VPS13B: variants seen among roughly 807,000 people sequenced by gnomAD.
VPS13B encodes the protein vacuolar protein sorting 13 homolog B, also known as intermembrane lipid transfer protein VPS13B.
Under a neutral mutation model 426.4 loss-of-function variants are expected in VPS13B, and 285 were observed. The ratio of observed to expected loss-of-function variants is 0.67; its 90% confidence interval spans 0.61 to 0.74. VPS13B has a LOEUF of 0.74. VPS13B is among the 30% of genes least tolerant of loss of function. The probability of loss-of-function intolerance (pLI) is 0.00; values close to 1 mark genes in which losing one functional copy is unlikely to be tolerated. For missense variants in VPS13B, 4,537 were observed against 4,782.6 expected (o/e 0.95, Z 1.51); for synonymous variants, 1,676 against 1,676.4 (o/e 1.00, Z 0.01).
intron 12 of VPS13B, among the ~76,000 whole-genome samples, chr8:99,137,123 A>G (rs1046441585): frequency 9.2e-5 from 14 of 152,156 alleles, no homozygotes; most frequent in African/African-American, 3.4e-4. Flanking sequence ...AATGTGTTGT[A>G]TCAATCAGAA....
intron 54 of VPS13B, among the ~76,000 whole-genome samples, chr8:99,848,073 C>T (rs1406415050): frequency 1.3e-5 from 2 of 152,136 alleles, no homozygotes; most frequent in African/African-American, 4.8e-5. Flanking sequence ...TTAAATAGCC[C>T]TGTTCTGTTT....
intron 29 of VPS13B, 65 bp downstream of exon 29, chr8:99,511,577 G>T: frequency 6.6e-7 from 1 of 1,519,484 alleles, no homozygotes; most frequent in South Asian, 1.3e-5. Context: ...TTAGTTTTCT[G>T]GGTTTTTTTG....
chr8:99,670,456 C>T (rs1476541673), intron 35 of VPS13B, among the ~76,000 whole-genome samples: 1 of 152,010 alleles, frequency 6.6e-6, no homozygotes, highest in Non-Finnish European at 1.5e-5. Context: ...ATATTTATCA[C>T]CTCACATAGT....
At chr8:99,520,783 T>G (rs1822344294) in intron 29 of VPS13B, 116 bp from the exon 30 acceptor site, 1 of 744,932 alleles carries the variant, frequency 1.3e-6, no homozygotes, top group African/African-American at 1.8e-5. Flanking sequence ...TACTTTTTCT[T>G]ATTTATTGGT....
At chr8:99,223,230 A>G (rs1419105164) in intron 17 of VPS13B, among the ~76,000 whole-genome samples, 3 of 152,204 alleles carry the variant, frequency 2.0e-5, no homozygotes. Context: ...ATTTATACAC[A>G]TGATTTCAAA....
chr8:99,550,645 G>A (rs1438484517), intron 30 of VPS13B, among the ~76,000 whole-genome samples: 5 of 150,220 alleles, frequency 3.3e-5, no homozygotes, highest in Admixed American at 2.0e-4. Context: ...TACTTTTTAT[G>A]TTCAGCTTAT....
intron 30 of VPS13B, among the ~76,000 whole-genome samples, chr8:99,526,988 A>G (rs1260728052): frequency 2.6e-5 from 4 of 152,160 alleles, no homozygotes; most frequent in African/African-American, 9.7e-5. Context: ...TTTGTAGGAG[A>G]TGATTAAATC....
chr8:99,133,751 A>T (rs1439173122), intron 8 of VPS13B, among the ~76,000 whole-genome samples: 1 of 152,202 alleles, frequency 6.6e-6, no homozygotes, highest in Non-Finnish European at 1.5e-5. Flanking sequence ...CAGAACACAC[A>T]CATGTATCAA....
intron 31 of VPS13B, among the ~76,000 whole-genome samples, chr8:99,561,255 A>G (rs530369869): frequency 2.3e-4 from 35 of 152,280 alleles, no homozygotes; most frequent in Non-Finnish European, 4.4e-4. Context: ...TGGATTTATC[A>G]TGTCTGTATG....
chr8:99,764,649 C>A (rs76974027), intron 39 of VPS13B, among the ~76,000 whole-genome samples: 5,809 of 152,022 alleles, frequency 0.038, 120 homozygotes, highest in East Asian at 0.047. Context: ...CTCCTGACCT[C>A]AGGTGATCCA....
At chr8:99,769,575 C>T (rs1378016566) in intron 40 of VPS13B, among the ~76,000 whole-genome samples, 1 of 151,968 alleles carries the variant, frequency 6.6e-6, no homozygotes, top group Non-Finnish European at 1.5e-5. Context: ...TCCCATGAAG[C>T]CTAATTTAAA....
intron 61 of VPS13B, among the ~76,000 whole-genome samples, chr8:99,872,970 G>C (rs1383770686): frequency 6.6e-6 from 1 of 152,230 alleles, no homozygotes. Context: ...GCTGCTTCAA[G>C]TTGATGACTT....
At chr8:99,559,982 A>G (rs1012875437) in intron 31 of VPS13B, among the ~76,000 whole-genome samples, 2 of 152,016 alleles carry the variant, frequency 1.3e-5, no homozygotes, top group Non-Finnish European at 2.9e-5. Flanking sequence ...CATTGAATCT[A>G]TAAATTACCT....
intron 29 of VPS13B, among the ~76,000 whole-genome samples, chr8:99,512,423 C>A (rs1203918404): frequency 1.3e-5 from 2 of 152,038 alleles, no homozygotes; most frequent in Admixed American, 6.5e-5. Context: ...TATAGGAGCA[C>A]CTAATGAAAT....
chr8:99,044,953 G>A (rs765846918), intron 3 of VPS13B, among the ~76,000 whole-genome samples: 8 of 147,690 alleles, frequency 5.4e-5, no homozygotes, highest in Non-Finnish European at 8.9e-5. Context: ...AGGCATTTAG[G>A]TTGGTTCCAC....
intron 39 of VPS13B, among the ~76,000 whole-genome samples, chr8:99,749,542 T>G (rs529120696): frequency 6.6e-6 from 1 of 152,240 alleles, no homozygotes; most frequent in East Asian, 1.9e-4. Context: ...GTCCTCCGGT[T>G]CCATCTATGT....
intron 43 of VPS13B, among the ~76,000 whole-genome samples, chr8:99,795,128 C>T (rs1364760934): frequency 6.6e-6 from 1 of 152,110 alleles, no homozygotes; most frequent in African/African-American, 2.4e-5. Flanking sequence ...CTTGTATCTC[C>T]CCTTGTGGGT....
At chr8:99,385,698 G>A (rs917731518) in intron 20 of VPS13B, among the ~76,000 whole-genome samples, 1 of 152,166 alleles carries the variant, frequency 6.6e-6, no homozygotes, top group Non-Finnish European at 1.5e-5. Flanking sequence ...GTAGATGTAT[G>A]TCCAGGATTA....
At chr8:99,668,678 T>TC (rs916231456) in intron 35 of VPS13B, among the ~76,000 whole-genome samples, 1 of 152,036 alleles carries the variant, frequency 6.6e-6, no homozygotes, top group Non-Finnish European at 1.5e-5. Flanking sequence ...CCCCACCTTT[T>TC]CCCCTTGTAC....
Sources: gnomAD v4.1 joint callset for allele counts (sites outside exome capture counted in the v4.1 genomes callset) on GRCh38, gnomAD v4.1.1 for gene constraint, MANE v1.5 for transcripts, NCBI Gene and HGNC (gene_info 2026-07-23, HGNC 2026-07-21) for gene names.